RALGAPA2: variants seen among roughly 807,000 people sequenced by gnomAD.
The protein encoded by RALGAPA2 is Ral GTPase activating protein catalytic subunit alpha 2.
A neutral mutation model predicts 230.4 loss-of-function variants in RALGAPA2; 139 were observed. The ratio of observed to expected loss-of-function variants is 0.60; its 90% CI spans 0.53 to 0.69. RALGAPA2 has a LOEUF of 0.69. Ranked by LOEUF, RALGAPA2 falls within the 30% of genes least tolerant of loss-of-function variation. The pLI, the probability that RALGAPA2 is intolerant of heterozygous loss-of-function variation, is 0.00. For missense variants in RALGAPA2, 2,163 were observed against 2,276.0 expected, an observed-to-expected ratio of 0.95 and a Z score of 1.01; for synonymous variants, 847 against 837.8, an observed-to-expected ratio of 1.01 and a Z score of -0.19.
chr20:20,483,208 A>C (rs889641609), intron 36 of RALGAPA2, among the ~76,000 whole-genome samples: 1 of 152,226 alleles, frequency 6.6e-6, no homozygotes, highest in African/African-American at 2.4e-5. Context: ...CGTGGAGAGA[A>C]ATACCACTGC....
chr20:20,454,909 C>A (rs1469378032), intron 37 of RALGAPA2, among the ~76,000 whole-genome samples: 1 of 152,160 alleles, frequency 6.6e-6, no homozygotes, highest in African/African-American at 2.4e-5. Context: ...AATTACAGCA[C>A]AAAGCCCAGG....
chr20:20,518,404 T>TG lies in RALGAPA2; in HGVS notation c.4084+2512dup, dbSNP rs2062939977. Among the ~76,000 whole-genome samples, 4 of 152,150 alleles carry TG rather than the reference T, an allele frequency of 2.6e-5. No individual in the cohort carries two copies. In the South Asian group the frequency reaches 8.3e-4, roughly 32 times the overall value. On this transcript the variant is annotated intron_variant, in intron 31 of 39. Transcript: ENST00000202677. Reference sequence around the variant, plus strand: ...ATGGATGATGAAGCATTACACTGAGTGAAAAAAAATACCCTCAAATTTGAG... The same window carrying TG: ...ATGGATGATGAAGCATTACACTGAGTGGAAAAAAAATACCCTCAAATTTGAG...
intron 3 of RALGAPA2, among the ~76,000 whole-genome samples, chr20:20,658,948 G>GT (rs2067680085): frequency 6.6e-6 from 1 of 152,134 alleles, no homozygotes; most frequent in African/African-American, 2.4e-5. Flanking sequence ...TCATGGGAAG[G>GT]TAATCAACTA....
At chr20:20,591,145 G>C (rs375939326) in intron 17 of RALGAPA2, 32 bp downstream of exon 17, 2 of 1,607,920 alleles carry the variant, frequency 1.2e-6, no homozygotes, top group Non-Finnish European at 1.7e-6. Context: ...AGAATCTATA[G>C]TTCTGTATTA....
chr20:20,629,000 G>GGA (rs1288553179), intron 10 of RALGAPA2, among the ~76,000 whole-genome samples: 2 of 152,084 alleles, frequency 1.3e-5, no homozygotes, highest in Non-Finnish European at 2.9e-5. Flanking sequence ...GAAGAAGACT[G>GGA]GACTCTTCTT....
At chr20:20,679,097 T>G (rs1415467208) in intron 2 of RALGAPA2, among the ~76,000 whole-genome samples, 1 of 152,120 alleles carries the variant, frequency 6.6e-6, no homozygotes, top group Non-Finnish European at 1.5e-5. Flanking sequence ...TAACACGATT[T>G]CACCTCTTTT....
At chr20:20,525,037 G>A in intron 28 of RALGAPA2, 139 bp from the exon 29 acceptor site, 2 of 676,850 alleles carry the variant, frequency 3.0e-6, no homozygotes, top group Admixed American at 3.2e-5. Context: ...AAAAGCAGAG[G>A]GCCAGCTGTG....
chr20:20,402,120 C>G (rs1473243414), intron 38 of RALGAPA2, among the ~76,000 whole-genome samples: 15 of 152,150 alleles, frequency 9.9e-5, no homozygotes. Context: ...AATGGAGAGG[C>G]CTAAGTGCTC....
chr20:20,593,759 A>C (rs1047918201), intron 16 of RALGAPA2, among the ~76,000 whole-genome samples: 3 of 152,216 alleles, frequency 2.0e-5, no homozygotes, highest in African/African-American at 7.2e-5. Context: ...GAGCTGAGCC[A>C]ACACTGGCAG....
rs1253941151 is a variant in RALGAPA2, at chr20:20,512,786, C to A, written c.4583G>T (p.Gly1528Val). Residue 1528 changes from glycine to valine, a missense_variant, in exon 32 of 40, where the codon GGC (glycine) becomes GTC (valine). Coordinates refer to ENST00000202677, the MANE Select transcript of RALGAPA2 (RefSeq NM_020343.4). ...DVLDKLLENI[G>V]HTSPECLLPS... is the part of the protein sequence containing the mutation. ...TAAAAGGCATTCAGGACTTGTATGG[C>A]CAATGTTTTCAAGTAATTTGTCAAG... 1 of 1,613,830 alleles carries A rather than the reference C, an allele frequency of 6.2e-7. No homozygotes were observed.
intron 33 of RALGAPA2, among the ~76,000 whole-genome samples, chr20:20,506,099 T>C (rs2062526014): frequency 6.6e-6 from 1 of 152,122 alleles, no homozygotes; most frequent in African/African-American, 2.4e-5. Flanking sequence ...ATTTTCTTCA[T>C]GAAGGGGTTT....
At chr20:20,512,222 C>G (rs1162821627) in intron 32 of RALGAPA2, among the ~76,000 whole-genome samples, 1 of 148,396 alleles carries the variant, frequency 6.7e-6, no homozygotes, top group Admixed American at 6.7e-5. Context: ...AACAACCCCC[C>G]CTACACACAC....
intron 16 of RALGAPA2, among the ~76,000 whole-genome samples, chr20:20,599,981 T>TA (rs1177606582): frequency 7.0e-6 from 1 of 142,056 alleles, no homozygotes; most frequent in Admixed American, 7.1e-5. Context: ...TCAAAAAAAA[T>TA]AAAAAATAAA....
intron 1 of RALGAPA2, among the ~76,000 whole-genome samples, chr20:20,689,217 A>G (rs1437389338): frequency 1.3e-5 from 2 of 152,234 alleles, no homozygotes; most frequent in Non-Finnish European, 2.9e-5. Flanking sequence ...CCTTTTAACA[A>G]CTTATTTTTT....
chr20:20,671,892 A>C (rs1020075783), intron 3 of RALGAPA2, among the ~76,000 whole-genome samples: 10 of 152,232 alleles, frequency 6.6e-5, no homozygotes, highest in African/African-American at 2.4e-4. Context: ...TGAAGAACAC[A>C]GAGAAACTAA....
chr20:20,707,812 T>C (rs2069667704), intron 1 of RALGAPA2, among the ~76,000 whole-genome samples: 1 of 151,990 alleles, frequency 6.6e-6, no homozygotes, highest in Non-Finnish European at 1.5e-5. Flanking sequence ...ACCCCTGGCC[T>C]ATGCAGGACA....
intron 23 of RALGAPA2, among the ~76,000 whole-genome samples, chr20:20,557,096 G>T (rs561994719): frequency 6.6e-6 from 1 of 152,156 alleles, no homozygotes; most frequent in Admixed American, 6.5e-5. Context: ...GATCACCTGA[G>T]GTCAGGAGTT....
At chr20:20,515,340 A>C (rs944914105) in intron 31 of RALGAPA2, among the ~76,000 whole-genome samples, 1 of 152,224 alleles carries the variant, frequency 6.6e-6, no homozygotes, top group Non-Finnish European at 1.5e-5. Flanking sequence ...TGCGTCTCCC[A>C]CTGGGAAGGA....
chr20:20,685,436 GTTTAT>G (rs2068665908), intron 1 of RALGAPA2, among the ~76,000 whole-genome samples: 1 of 152,264 alleles, frequency 6.6e-6, no homozygotes, highest in Admixed American at 6.5e-5. Flanking sequence ...ATGTTCATGA[GTTTAT>G]TTTATTTGAC....
Sources: gnomAD v4.1 joint callset for allele counts (sites outside exome capture counted in the v4.1 genomes callset) on GRCh38, gnomAD v4.1.1 for gene constraint, MANE v1.5 for transcripts, NCBI Gene and HGNC (gene_info 2026-07-23, HGNC 2026-07-21) for gene names.